The following ADAM12 variants were observed in gnomAD, a reference collection of about 807,000 sequenced individuals.
ADAM12 encodes disintegrin and metalloproteinase domain-containing protein 12.
ADAM12 carries 70 observed loss-of-function variants against 106.4 expected under a neutral mutation model. That is an observed-to-expected ratio of 0.66 (90% CI 0.54 to 0.80). The LOEUF (loss-of-function observed/expected upper bound fraction) is 0.80. ADAM12 is among the 30% of genes least tolerant of loss of function. The probability of loss-of-function intolerance (pLI) is 0.00; values close to 1 mark genes in which losing one functional copy is unlikely to be tolerated. For missense variants in ADAM12, 1,010 were observed against 1,171.9 expected, an observed-to-expected ratio of 0.86 and a Z score of 2.02; for synonymous variants, 420 against 433.5, an observed-to-expected ratio of 0.97 and a Z score of 0.39.
chr10:126,162,898 G>A (rs1228478705), intron 3 of ADAM12, among the ~76,000 whole-genome samples: 1 of 152,174 alleles, frequency 6.6e-6, no homozygotes, highest in Non-Finnish European at 1.5e-5. Context: ...GCTGGAGGTG[G>A]GGTCTGGTAG....
At chr10:126,239,822 T>C (rs998510683) in intron 3 of ADAM12, among the ~76,000 whole-genome samples, 3 of 152,336 alleles carry the variant, frequency 2.0e-5, no homozygotes, top group Non-Finnish European at 4.4e-5. Flanking sequence ...TGGTGGGAAT[T>C]GAAATTTGGC....
At chr10:126,233,051 C>T (rs1958343843) in intron 3 of ADAM12, among the ~76,000 whole-genome samples, 1 of 152,108 alleles carries the variant, frequency 6.6e-6, no homozygotes, top group Non-Finnish European at 1.5e-5. Context: ...CATCCCCTAC[C>T]ACAGTCAATT....
chr10:126,338,689 A>C (rs539791085), intron 1 of ADAM12, among the ~76,000 whole-genome samples: 1 of 152,286 alleles, frequency 6.6e-6, no homozygotes, highest in Non-Finnish European at 1.5e-5. Context: ...TAATGGCAAA[A>C]CCCAAGCCCT....
chr10:126,149,756 G>T (rs1407162910), intron 4 of ADAM12, among the ~76,000 whole-genome samples: 1 of 152,166 alleles, frequency 6.6e-6, no homozygotes, highest in African/African-American at 2.4e-5. Context: ...TACACCAATG[G>T]TTTGCCAGGG....
At chr10:126,308,792 T>A (rs1371637702) in intron 2 of ADAM12, among the ~76,000 whole-genome samples, 1 of 152,196 alleles carries the variant, frequency 6.6e-6, no homozygotes, top group African/African-American at 2.4e-5. Context: ...TATCATCTCA[T>A]AGTTAGCAAC....
At chr10:126,079,792 C>T (rs538700368) in intron 11 of ADAM12, among the ~76,000 whole-genome samples, 22 of 152,296 alleles carry the variant, frequency 1.4e-4, no homozygotes, top group African/African-American at 5.1e-4. Flanking sequence ...TTTTGAAAAC[C>T]TGACCTGATT....
intron 3 of ADAM12, among the ~76,000 whole-genome samples, chr10:126,257,252 G>C (rs1022933069): frequency 1.3e-5 from 2 of 152,208 alleles, no homozygotes; most frequent in African/African-American, 4.8e-5. Flanking sequence ...GTCAGGCAGT[G>C]ATGTCCTAAA....
At chr10:126,371,957 C>A (rs577697988) in intron 1 of ADAM12, among the ~76,000 whole-genome samples, 2 of 152,122 alleles carry the variant, frequency 1.3e-5, no homozygotes, top group Non-Finnish European at 2.9e-5. Flanking sequence ...AAACTGGTGA[C>A]CATTTTGTGT....
Position 126,270,954 on chromosome 10 carries a change from C to T in ADAM12, c.260+7961G>A, listed in dbSNP as rs116492189. Reference sequence around the variant, plus strand: ...CGTCAGGGCCACAGCTGATGCCTCTCCATGTTCTGCCCACTGCCGGCTCCT... The same window carrying T: ...CGTCAGGGCCACAGCTGATGCCTCTTCATGTTCTGCCCACTGCCGGCTCCT... On this transcript the variant is annotated intron_variant, in intron 3 of 22. Coordinates refer to ENST00000448723, the MANE Select transcript of ADAM12 (RefSeq NM_001288973.2). Among the ~76,000 whole-genome samples the T allele has an allele frequency of 3.4e-3, 519 of 152,318 alleles. 3 individuals carry two copies. The highest frequency in any genetic ancestry group is 0.012 in the African/African-American group (481 of 41,574).
chr10:126,326,108 G>A (rs753041131), intron 2 of ADAM12, among the ~76,000 whole-genome samples: 4 of 152,126 alleles, frequency 2.6e-5, no homozygotes, highest in Non-Finnish European at 5.9e-5. Context: ...ACCTAAATCA[G>A]CCGAATCGAC....
chr10:126,231,474 C>T (rs1356819355), intron 3 of ADAM12, among the ~76,000 whole-genome samples: 1 of 152,042 alleles, frequency 6.6e-6, no homozygotes, highest in Admixed American at 6.5e-5. Flanking sequence ...AAAACTGCCA[C>T]CCTCCCTAAT....
chr10:126,121,385 T>C (rs1217866614), intron 5 of ADAM12, among the ~76,000 whole-genome samples: 2 of 127,552 alleles, frequency 1.6e-5, no homozygotes, highest in Non-Finnish European at 3.2e-5. Context: ...TTATATATTA[T>C]ATGCAATATA....
rs1336211841 is a variant in ADAM12, at chr10:126,066,715, AC to A, written c.1413+1del. 6.2e-7 allele frequency: 1 copy of A among 1,614,052 alleles called. No individual in the cohort carries two copies. The highest frequency in any genetic ancestry group is 1.1e-5 in the South Asian group (1 of 91,082). ...GGTCAAGTTGTAGCTCCGGTGACTC[AC>A]CTGGCAGTCTTCACAGCACAGCCCA... On this transcript the variant is annotated splice_donor_variant, in intron 13 of 22. Coordinates refer to ENST00000448723, the MANE Select transcript of ADAM12 (RefSeq NM_001288973.2). LOFTEE classifies it high-confidence loss of function. This position sits in a 1 kb window ranked among gnomAD's most constrained non-coding sequence, Gnocchi z 5.1.
intron 3 of ADAM12, among the ~76,000 whole-genome samples, chr10:126,200,561 A>T (rs1054225090): frequency 1.3e-5 from 2 of 152,158 alleles, no homozygotes; most frequent in Non-Finnish European, 1.5e-5. Flanking sequence ...CTTAATCGAC[A>T]ACACCACGAT....
Position 126,016,901 on chromosome 10 carries a change from G to A in ADAM12, c.*378C>T, listed in dbSNP as rs142878317. 76 of 164,006 alleles carry A rather than the reference G, an allele frequency of 4.6e-4. 2 individuals carry two copies. Among genetic ancestry groups the A allele is most frequent in the African/African-American group, 1.8e-3 (76 of 41,918 alleles). 10.2% of individuals were successfully genotyped at this position (164,006 alleles called of 1,614,324 possible). A position where few individuals can be genotyped will look rare whatever the true frequency, so the allele number is the denominator to read the frequency against. ...CACAGCTGGGGGTAGTTGGGGGACT[G>A]CTTTCCAATAAGGCCTTGATCAGAA... On this transcript the variant is annotated 3_prime_UTR_variant, in exon 23 of 23. Coordinates refer to ENST00000448723, the MANE Select transcript of ADAM12 (RefSeq NM_001288973.2).
At chr10:126,195,902 T>C (rs976576870) in intron 3 of ADAM12, among the ~76,000 whole-genome samples, 42 of 152,206 alleles carry the variant, frequency 2.8e-4, no homozygotes, top group Admixed American at 1.6e-3. Flanking sequence ...GCTCACTATG[T>C]CTGCTTTCAA....
intron 3 of ADAM12, among the ~76,000 whole-genome samples, chr10:126,198,364 C>G (rs1290384481): frequency 1.3e-5 from 2 of 152,146 alleles, no homozygotes; most frequent in South Asian, 2.1e-4. Flanking sequence ...TTTACACAAC[C>G]AGGAGAGAGA....
chr10:126,110,311 G>A (rs1955847099), intron 6 of ADAM12, among the ~76,000 whole-genome samples: 1 of 152,080 alleles, frequency 6.6e-6, no homozygotes, highest in African/African-American at 2.4e-5. Context: ...AAGTGTACCT[G>A]TTTTGAGACT....
Position 126,254,071 on chromosome 10 carries a change from A to T in ADAM12, c.260+24844T>A, listed in dbSNP as rs543778545. On this transcript the variant is annotated intron_variant, in intron 3 of 22. Coordinates refer to ENST00000448723, the MANE Select transcript of ADAM12 (RefSeq NM_001288973.2). ...TATGGCCCCTCTGCTACCCTTCCCC[A>T]GTCCCCTCCTGGGCAGCACTGTCCA... is the stretch of plus-strand genomic sequence containing the variant. 2.1e-4 allele frequency among the ~76,000 whole-genome samples: 32 copies of T among 152,208 alleles called. No individual in the cohort carries two copies. The South Asian group carries it at 6.6e-3, about 32-fold the overall frequency.
Sources: gnomAD v4.1 joint callset for allele counts (sites outside exome capture counted in the v4.1 genomes callset) on GRCh38, gnomAD v4.1.1 for gene constraint, Gnocchi (gnomAD v3.1) non-coding constraint, MANE v1.5 for transcripts, NCBI Gene and HGNC (gene_info 2026-07-23, HGNC 2026-07-21) for gene names.